STRN: variants seen among roughly 807,000 people sequenced by gnomAD.
The protein encoded by STRN is striatin.
Under a neutral mutation model 96.3 loss-of-function variants are expected in STRN, and 53 were observed. The ratio of observed to expected loss-of-function variants is 0.55; its 90% confidence interval spans 0.44 to 0.69. The LOEUF (loss-of-function observed/expected upper bound fraction) is 0.69. STRN is among the 30% of genes least tolerant of loss of function. The pLI, the probability that STRN is intolerant of heterozygous loss-of-function variation, is 0.00. For missense variants in STRN, 987 were observed against 963.9 expected (o/e 1.02, Z -0.32); for synonymous variants, 428 against 355.9 (o/e 1.20, Z -2.28).
rs1246554035 is a variant in STRN at position 36,848,543 on chromosome 2, C to T, written c.*913G>A. 1 of 152,056 alleles carries T rather than the reference C, an allele frequency of 6.6e-6. No individual in the cohort carries two copies. Among genetic ancestry groups the T allele is most frequent in the Non-Finnish European group, 1.5e-5 (1 of 68,018 alleles). The allele number at this position is 152,056 out of a possible 1,614,324, so 9.4% of individuals were successfully genotyped here. On this transcript the variant is annotated 3_prime_UTR_variant, in exon 18 of 18. Coordinates refer to ENST00000263918, the MANE Select transcript of STRN (RefSeq NM_003162.4). ...CAAATAAATTCTATCTTTTCAGTCA[C>T]TGAAAAGTAAGATTTCATTGGTATG...
intron 2 of STRN, among the ~76,000 whole-genome samples, chr2:36,921,556 T>C (rs893894441): frequency 2.6e-5 from 4 of 152,208 alleles, no homozygotes; most frequent in Non-Finnish European, 5.9e-5. Context: ...TTTGATACCT[T>C]CTAAAAGTCT....
chr2:36,872,627 C>A (rs566100868), intron 10 of STRN, among the ~76,000 whole-genome samples: 4 of 152,102 alleles, frequency 2.6e-5, no homozygotes, highest in Non-Finnish European at 5.9e-5. Context: ...TTTGGGAAAC[C>A]GAGCGACAGA....
At position 36,848,593 on chromosome 2, in the gene STRN, T is replaced by C. The variant is rs1668139520; in HGVS notation, c.*863A>G. On this transcript the variant is annotated 3_prime_UTR_variant, in exon 18 of 18. Coordinates refer to ENST00000263918, the MANE Select transcript of STRN (RefSeq NM_003162.4). Reference sequence around the variant, plus strand: ...GAAATAATCACTCTGGTACTATAAATGTCACATGAATAAAGTGAATTTTAA... The same window carrying C: ...GAAATAATCACTCTGGTACTATAAACGTCACATGAATAAAGTGAATTTTAA... 1 of 152,200 alleles carries C rather than the reference T, an allele frequency of 6.6e-6. No homozygotes were observed. Among genetic ancestry groups the C allele is most frequent in the African/African-American group, 2.4e-5 (1 of 41,448 alleles). The allele number at this position is 152,200 out of a possible 1,614,324, so 9.4% of individuals were successfully genotyped here.
rs1368302051 is a variant in STRN, at chr2:36,902,717, G to C, written c.526C>G (p.Leu176Val). The part of the protein sequence containing the change: ...LQEVGYTDTI[L>V]DVKSKRVRAL... ...CGCACTCGTTTAGATTTCACATCTA[G>C]AATAGTATCTGTATAACCCACCTCC... The change falls in exon 5 of 18, where the codon CTA becomes GTA. Residue 176 changes from leucine (L) to valine (V), a missense_variant. Leu to Val is a conservative substitution (Grantham distance 32). Coordinates refer to ENST00000263918, the MANE Select transcript of STRN (RefSeq NM_003162.4). 6.2e-7 allele frequency: 1 copy of C among 1,610,180 alleles called. No individual in the cohort carries two copies. Among genetic ancestry groups the C allele is most frequent in the Admixed American group, 1.7e-5 (1 of 59,892 alleles).
chr2:36,881,774 G>A (rs1182585176), intron 9 of STRN, among the ~76,000 whole-genome samples: 1 of 152,108 alleles, frequency 6.6e-6, no homozygotes, highest in Non-Finnish European at 1.5e-5. Context: ...TCTATTATTA[G>A]AATTCTGCAT....
intron 2 of STRN, among the ~76,000 whole-genome samples, chr2:36,919,351 CAAAG>C (rs1670188529): frequency 6.6e-6 from 1 of 152,032 alleles, no homozygotes; most frequent in African/African-American, 2.4e-5. Context: ...AAACTGGTGT[CAAAG>C]AAAGCTACCA....
intron 10 of STRN, among the ~76,000 whole-genome samples, chr2:36,872,169 T>G (rs902185491): frequency 1.3e-5 from 2 of 152,240 alleles, no homozygotes; most frequent in Non-Finnish European, 2.9e-5. Flanking sequence ...GGTTGGTCTC[T>G]TCACCAATAG....
chr2:36,966,177 C>A (rs1162703256), intron 1 of STRN, 53 bp downstream of exon 1: 6 of 1,431,086 alleles, frequency 4.2e-6, no homozygotes, highest in Non-Finnish European at 4.6e-6. Flanking sequence ...CGGGGCGGGG[C>A]GGAAGGGAGC....
At chr2:36,931,090 T>TC (rs1553403491) in intron 1 of STRN, among the ~76,000 whole-genome samples, 1 of 151,642 alleles carries the variant, frequency 6.6e-6, no homozygotes, top group African/African-American at 2.4e-5. Context: ...CTCTTTTTTT[T>TC]CCCCAAAGTG....
At chr2:36,960,094 A>G (rs1664991665) in intron 1 of STRN, among the ~76,000 whole-genome samples, 1 of 152,248 alleles carries the variant, frequency 6.6e-6, no homozygotes, top group South Asian at 2.1e-4. Context: ...ATACCATATG[A>G]CAATGGAGTT....
chr2:36,871,683 T>C (rs1668765898), intron 10 of STRN, among the ~76,000 whole-genome samples: 1 of 152,196 alleles, frequency 6.6e-6, no homozygotes, highest in Non-Finnish European at 1.5e-5. Flanking sequence ...CTGAAAATAC[T>C]TTATATGCAT....
chr2:36,940,921 G>A (rs1446172329), intron 1 of STRN, among the ~76,000 whole-genome samples: 1 of 151,664 alleles, frequency 6.6e-6, no homozygotes, highest in African/African-American at 2.4e-5. Flanking sequence ...GGGAGGCCAA[G>A]GCAGGTGGAT....
intron 14 of STRN, among the ~76,000 whole-genome samples, chr2:36,857,470 T>C (rs1668374455): frequency 6.6e-6 from 1 of 151,308 alleles, no homozygotes; most frequent in Non-Finnish European, 1.5e-5. Context: ...AGGTCAGGAG[T>C]TCCAGACCAG....
At chr2:36,879,216 G>A (rs1337450825) in intron 9 of STRN, among the ~76,000 whole-genome samples, 4 of 151,712 alleles carry the variant, frequency 2.6e-5, no homozygotes, top group East Asian at 1.9e-4. Flanking sequence ...GATTACAGGC[G>A]CCTGCCACCA....
chr2:36,906,088 AG>A (rs1669811633), intron 3 of STRN, among the ~76,000 whole-genome samples: 1 of 152,240 alleles, frequency 6.6e-6, no homozygotes, highest in Non-Finnish European at 1.5e-5. Flanking sequence ...TGATGTGACT[AG>A]TACACATTGC....
chr2:36,844,394 GA>G lies in STRN; in HGVS notation c.*5061del, dbSNP rs1668016391. ...CATTCTCTGAGACATTTTCAGAGAGGAGCTAACTAACACCCACCCAGGGGGG... is the reference window on the plus strand; with the variant it reads ...CATTCTCTGAGACATTTTCAGAGAGGGCTAACTAACACCCACCCAGGGGGG... On this transcript the variant is annotated 3_prime_UTR_variant, in exon 18 of 18. Coordinates refer to ENST00000263918, the MANE Select transcript of STRN (RefSeq NM_003162.4). 6.6e-6 allele frequency: 1 copy of G among 152,132 alleles called. No individual in the cohort carries two copies. The highest frequency in any genetic ancestry group is 1.5e-5 in the Non-Finnish European group (1 of 68,020). The allele number at this position is 152,132 out of a possible 1,614,324, so 9.4% of individuals were successfully genotyped here.
intron 9 of STRN, among the ~76,000 whole-genome samples, chr2:36,882,648 A>G (rs1669105568): frequency 6.6e-6 from 1 of 152,166 alleles, no homozygotes; most frequent in Admixed American, 6.5e-5. Context: ...ATGTGCCTAT[A>G]GTCCTAGCTA....
intron 4 of STRN, among the ~76,000 whole-genome samples, chr2:36,903,780 A>G (rs1367446325): frequency 6.6e-6 from 1 of 152,236 alleles, no homozygotes; most frequent in East Asian, 1.9e-4. Flanking sequence ...ATCCCATCCA[A>G]TATTTATAGA....
chr2:36,868,999 A>G (rs113474941), intron 11 of STRN, among the ~76,000 whole-genome samples: 145 of 151,870 alleles, frequency 9.5e-4, no homozygotes, highest in Non-Finnish European at 1.8e-3. Context: ...ATCCATGCTT[A>G]GACAGGAACT....
Sources: gnomAD v4.1 joint callset for allele counts (sites outside exome capture counted in the v4.1 genomes callset) on GRCh38, gnomAD v4.1.1 for gene constraint, MANE v1.5 for transcripts, NCBI Gene and HGNC (gene_info 2026-07-23, HGNC 2026-07-21) for gene names.